The following CD99L2 variants were observed in gnomAD, a reference collection of about 807,000 sequenced individuals.
The protein encoded by CD99L2 is CD99 antigen-like protein 2.
In CD99L2, 24 loss-of-function variants were observed where a neutral mutation model predicts 27.3. The ratio of observed to expected loss-of-function variants is 0.88; its 90% CI spans 0.64 to 1.24. CD99L2 has a LOEUF of 1.24. Ranked by LOEUF, CD99L2 falls within the 50% of genes most tolerant of loss-of-function variation. The probability of loss-of-function intolerance (pLI) is 0.00; values close to 1 mark genes in which losing one functional copy is unlikely to be tolerated. For missense variants in CD99L2, 255 were observed against 221.6 expected (o/e 1.15, Z -0.96); for synonymous variants, 97 against 87.9 (o/e 1.10, Z -0.58).
At chrX:150,866,796 T>A (rs1195434940) in intron 1 of CD99L2, among the ~76,000 whole-genome samples, 2 of 111,855 alleles carry the variant, frequency 1.8e-5, no homozygotes, top group African/African-American at 6.5e-5. Flanking sequence ...ATGATATACA[T>A]GTATCAGAGT....
At chrX:150,781,018 G>A (rs1022402908) in intron 7 of CD99L2, among the ~76,000 whole-genome samples, 7 of 112,239 alleles carry the variant, frequency 6.2e-5, no homozygotes, top group Non-Finnish European at 1.1e-4. Context: ...TGACTTCTGG[G>A]AAGTTATCTG....
intron 1 of CD99L2, among the ~76,000 whole-genome samples, chrX:150,882,600 G>A (rs1168126886): frequency 5.4e-5 from 6 of 110,187 alleles, no homozygotes; most frequent in Non-Finnish European, 1.1e-4. Flanking sequence ...ACTTGAACCC[G>A]GGAGGCGGAA....
At chrX:150,843,645 T>C (rs1821321711) in intron 1 of CD99L2, among the ~76,000 whole-genome samples, 2 of 109,492 alleles carry the variant, frequency 1.8e-5, no homozygotes, top group Non-Finnish European at 3.8e-5. Flanking sequence ...AGTGAGACTC[T>C]GTCTCAAAAT....
At chrX:150,797,032 G>A (rs1480594223) in intron 4 of CD99L2, among the ~76,000 whole-genome samples, 2 of 111,199 alleles carry the variant, frequency 1.8e-5, no homozygotes, top group Non-Finnish European at 3.8e-5. Context: ...CAATGCATAA[G>A]TTAGACATGA....
At position 150,767,854 on chromosome X, in the gene CD99L2, C is replaced by T. The variant is rs781985673; in HGVS notation, c.*1180G>A. ...GTGAGCCTCTGACAACAGAGCTCAC[C>T]GGGACAGAACCATATGTGGGCCAAA... is the stretch of plus-strand genomic sequence containing the variant. On this transcript the variant is annotated 3_prime_UTR_variant, in exon 11 of 11. Coordinates refer to ENST00000370377, the MANE Select transcript of CD99L2 (RefSeq NM_031462.4). The T allele has an allele frequency of 4.5e-5, 5 of 111,364 alleles. No individual in the cohort carries two copies. Among genetic ancestry groups the T allele is most frequent in the African/African-American group, 9.8e-5 (3 of 30,635 alleles). The allele number at this position is 111,364 out of a possible 1,213,427, so 9.2% of individuals were successfully genotyped here.
intron 1 of CD99L2, among the ~76,000 whole-genome samples, chrX:150,854,770 C>T (rs782771287): frequency 1.7e-4 from 19 of 111,232 alleles, no homozygotes; most frequent in Admixed American, 4.8e-4. Flanking sequence ...AACACCTTGA[C>T]CTCAGATTTC....
rs1191894660 is a variant in CD99L2, at chrX:150,839,878, T to TA, written c.68-8586dup. ...AGTGAGACCTCATCTCTACTAAGAA[T>TA]AAAAAAAAAACTAGCTGGGTGTGGT... On this transcript the variant is annotated intron_variant, in intron 1 of 10. Transcript: ENST00000370377. Among the ~76,000 whole-genome samples, 31 of 103,193 alleles carry TA rather than the reference T, an allele frequency of 3.0e-4. No homozygotes were observed. The South Asian group carries it at 3.0e-3, about 10-fold the overall frequency. 89.6% of individuals were successfully genotyped at this position (103,193 alleles called of 115,157 possible).
chrX:150,858,879 A>G (rs2046932130), intron 1 of CD99L2, among the ~76,000 whole-genome samples: 1 of 111,998 alleles, frequency 8.9e-6, no homozygotes, highest in Non-Finnish European at 1.9e-5. Flanking sequence ...TTAAAATACA[A>G]AGAATCAATG....
Position 150,793,774 on chromosome X carries a change from T to A in CD99L2, c.431-18A>T. ...TGAAAAACCTGGAGAAAATAAAACA[T>A]ACATTTCAACAACAAGAAAAAAAAA... On this transcript the variant is annotated intron_variant, in intron 6 of 10. Transcript: ENST00000370377. The A allele has an allele frequency of 8.6e-7, 1 of 1,156,519 alleles. No homozygotes were observed. The highest frequency in any genetic ancestry group is 1.2e-6 in the Non-Finnish European group (1 of 859,798).
chrX:150,856,569 AAATAATAATAATAAT>A (rs10564205), intron 1 of CD99L2, among the ~76,000 whole-genome samples: 1 of 98,696 alleles, frequency 1.0e-5, no homozygotes, highest in Non-Finnish European at 2.0e-5. Flanking sequence ...AGCCAGGCTA[AAATAATAATAATAAT>A]AATAATAATA....
At chrX:150,778,933 C>T (rs1423168249) in intron 7 of CD99L2, among the ~76,000 whole-genome samples, 2 of 111,028 alleles carry the variant, frequency 1.8e-5, no homozygotes, top group African/African-American at 3.3e-5. Flanking sequence ...TCACTGTGTG[C>T]AGCCAGATCA....
intron 4 of CD99L2, among the ~76,000 whole-genome samples, chrX:150,808,957 T>C (rs1557420309): frequency 2.7e-5 from 3 of 110,612 alleles, no homozygotes; most frequent in African/African-American, 9.9e-5. Context: ...GATATGATGA[T>C]GGAAGCAAAG....
chrX:150,891,269 A>G (rs2047507412), intron 1 of CD99L2, among the ~76,000 whole-genome samples: 3 of 112,269 alleles, frequency 2.7e-5, no homozygotes, highest in Admixed American at 9.4e-5. Flanking sequence ...TCTAGAGATA[A>G]AAGTCCAACC....
intron 1 of CD99L2, among the ~76,000 whole-genome samples, chrX:150,889,373 CATT>C (rs2047464220): frequency 8.9e-6 from 1 of 111,866 alleles, no homozygotes; most frequent in Non-Finnish European, 1.9e-5. Flanking sequence ...TCTCAAGTGC[CATT>C]CACATCTCAG....
chrX:150,770,517 G>A, intron 9 of CD99L2, 148 bp from the exon 10 acceptor site: 1 of 470,440 alleles, frequency 2.1e-6, no homozygotes, highest in African/African-American at 2.4e-5. Flanking sequence ...TGAGCCACCT[G>A]AACATCCTTA....
chrX:150,778,220 C>T (rs1293050193), intron 7 of CD99L2, among the ~76,000 whole-genome samples: 1 of 110,499 alleles, frequency 9.0e-6, no homozygotes, highest in Non-Finnish European at 1.9e-5. Context: ...GACAGCTACT[C>T]CCTGACAAGC....
intron 6 of CD99L2, 86 bp from the exon 7 acceptor site, chrX:150,793,842 AAATGATTCCCAGTTCCACTTAAG>A (rs2045739691): frequency 1.4e-5 from 11 of 760,924 alleles, no homozygotes; most frequent in Non-Finnish European, 2.1e-5. Flanking sequence ...AAAATTCAGA[AAATGATTCCCAGTTCCACTTAAG>A]AATGCCCTTC....
At chrX:150,822,638 T>C (rs782512341) in intron 2 of CD99L2, among the ~76,000 whole-genome samples, 2 of 111,908 alleles carry the variant, frequency 1.8e-5, no homozygotes, top group African/African-American at 6.5e-5. Flanking sequence ...TTGCTCTTCT[T>C]GTCCAACAAA....
At chrX:150,769,672 C>G (rs1276292483) in intron 10 of CD99L2, among the ~76,000 whole-genome samples, 2 of 95,805 alleles carry the variant, frequency 2.1e-5, no homozygotes, top group Non-Finnish European at 3.9e-5. Flanking sequence ...TCCTAGTCTC[C>G]CTGCCTGCGC....
Sources: allele counts gnomAD v4.1 joint callset (sites outside exome capture counted in the v4.1 genomes callset), GRCh38; gene constraint gnomAD v4.1.1; transcripts MANE v1.5; gene names NCBI Gene and HGNC (gene_info 2026-07-23, HGNC 2026-07-21).